Variants in FOSB observed in about 807,000 individuals in gnomAD.
FOSB encodes the protein FosB proto-oncogene, AP-1 transcription factor subunit.
A neutral mutation model predicts 31.1 loss-of-function variants in FOSB; 8 were observed. The observed-to-expected ratio is 0.26, with a 90% CI of 0.15 to 0.46. The LOEUF (loss-of-function observed/expected upper bound fraction) is 0.46. Among genes scored for constraint, FOSB ranks in the 20% least tolerant of loss-of-function variants. The pLI is 0.99. For synonymous variants in FOSB, 214 were observed against 206.1 expected, an observed-to-expected ratio of 1.04 and a Z score of -0.33; for missense variants, 376 against 460.6, an observed-to-expected ratio of 0.82 and a Z score of 1.68.
chr19:45,471,188 A>G lies in FOSB; in HGVS notation c.448-6A>G, dbSNP rs765484965. 2 of 1,556,478 alleles carry G rather than the reference A, an allele frequency of 1.3e-6. No individual in the cohort carries two copies. The highest frequency in any genetic ancestry group is 2.4e-5 in the South Asian group (2 of 84,438). On this transcript the variant is annotated splice_polypyrimidine_tract_variant and splice_region_variant and intron_variant, in intron 2 of 3. Coordinates refer to ENST00000353609, the MANE Select transcript of FOSB (RefSeq NM_006732.3). ...AAATCTCATGGCCTCTATCTCCCTG[A>G]CTCAGCTCACCCCAGAGGAAGAGGA...
chr19:45,471,453 A>G, intron 3 of FOSB, 152 bp downstream of exon 3: 1 of 596,494 alleles, frequency 1.7e-6, no homozygotes, highest in Non-Finnish European at 3.0e-6. Flanking sequence ...TGGGTAGCCC[A>G]GGGCACAAAC....
chr19:45,468,838 A>G lies in FOSB; in HGVS notation c.126+126A>G, dbSNP rs1568612107. ...CCTAGATCTGAGATGGAAAAGGCTC[A>G]CAGCGCACTTTGCAAACTGCAAAGA... On this transcript the variant is annotated intron_variant, in intron 1 of 3. Coordinates refer to ENST00000353609, the MANE Select transcript of FOSB (RefSeq NM_006732.3). The surrounding 1 kb of genome is among the most constrained non-coding windows in gnomAD (Gnocchi z 4.8). 13 of 1,091,208 alleles carry G rather than the reference A, an allele frequency of 1.2e-5. No homozygotes were observed. The East Asian group carries it at 3.4e-4, about 28-fold the overall frequency. 67.6% of individuals were successfully genotyped at this position (1,091,208 alleles called of 1,614,324 possible).
In FOSB at chr19:45,470,868, G is replaced by T; in HGVS notation, c.366G>T (p.Gly122=). 6.2e-7 allele frequency: 1 copy of T among 1,613,996 alleles called. No individual in the cohort carries two copies. Among genetic ancestry groups the T allele is most frequent in the Non-Finnish European group, 8.5e-7 (1 of 1,180,016 alleles). The change falls in exon 2 of 4, where the codon GGG becomes GGT. Residue 122 remains glycine (G), a synonymous_variant. Transcript: ENST00000353609. ...GTGGCGGAGCGAGTGGCAGTGGTGG[G>T]CCTTCCACCAGCGGAACTACCAGTG... ...YSSGGASGSG[G]PSTSGTTSGP...
In FOSB at chr19:45,468,941, A is replaced by G. The variant is rs1440156150; in HGVS notation, c.126+229A>G. 5.4e-5 allele frequency among the ~76,000 whole-genome samples: 8 copies of G among 147,088 alleles called. No individual in the cohort carries two copies. Among genetic ancestry groups the G allele is most frequent in the South Asian group, 2.2e-4 (1 of 4,562 alleles). ...GGCAGGGAGGGTAGGCTTTGGGGCG[A>G]GGTGGGGGTGGGGTGGGTAATGCGC... On this transcript the variant is annotated intron_variant, in intron 1 of 3. Transcript: ENST00000353609. This position sits in a 1 kb window ranked among gnomAD's most constrained non-coding sequence, Gnocchi z 4.8.
chr19:45,471,479 C>T, intron 3 of FOSB, 178 bp downstream of exon 3: 1 of 495,464 alleles, frequency 2.0e-6, no homozygotes, highest in Non-Finnish European at 3.6e-6. Flanking sequence ...CCCCCATGGA[C>T]TTAAGTCAAC....
chr19:45,472,865 C>T lies in FOSB; in HGVS notation c.870C>T (p.Gly290=), dbSNP rs1454658443. ...LFTHSEVQVL[G]DPFPVVNPSY... is the part of the protein sequence containing the mutation. ...CACACAGTGAAGTTCAAGTCCTCGG[C>T]GACCCCTTCCCCGTTGTTAACCCTT... Residue 290 remains glycine, a synonymous_variant, in exon 4 of 4, where the codon GGC becomes GGT. Transcript: ENST00000353609. This position sits in a 1 kb window ranked among gnomAD's most constrained non-coding sequence, Gnocchi z 5.4. The T allele has an allele frequency of 6.2e-7, 1 of 1,614,166 alleles. No individual in the cohort carries two copies. Among genetic ancestry groups the T allele is most frequent in the South Asian group, 1.1e-5 (1 of 91,080 alleles).
rs571301313 is a variant in FOSB, at chr19:45,473,067, G to A, written c.*55G>A. On this transcript the variant is annotated 3_prime_UTR_variant, in exon 4 of 4. Coordinates refer to ENST00000353609, the MANE Select transcript of FOSB (RefSeq NM_006732.3). The stretch of plus-strand genomic sequence containing the variant: ...CATGGGGGAGAGAGACTTGGAAGAG[G>A]AGGAGGAGGAGGAGAAGGAGGAGAG... The A allele has an allele frequency of 4.0e-6, 6 of 1,487,278 alleles. No homozygotes were observed. Among genetic ancestry groups the A allele is most frequent in the East Asian group, 4.5e-5 (2 of 44,078 alleles). The allele number at this position is 1,487,278 out of a possible 1,614,324, so 92.1% of individuals were successfully genotyped here.
chr19:45,472,934 G>C lies in FOSB; in HGVS notation c.939G>C (p.Ala313=), dbSNP rs1419989220. The change falls in exon 4 of 4, where the codon GCG becomes GCC. Residue 313 remains alanine, a synonymous_variant. Coordinates refer to ENST00000353609, the MANE Select transcript of FOSB (RefSeq NM_006732.3). This position sits in a 1 kb window ranked among gnomAD's most constrained non-coding sequence, Gnocchi z 5.4. ...SFVLTCPEVS[A]FAGAQRTSGS... ...TCCTCACCTGCCCGGAGGTCTCCGC[G>C]TTCGCCGGCGCCCAACGCACCAGCG... is the stretch of plus-strand genomic sequence containing the variant. 2 of 1,613,756 alleles carry C rather than the reference G, an allele frequency of 1.2e-6. No homozygotes were observed. The highest frequency in any genetic ancestry group is 1.7e-6 in the Non-Finnish European group (2 of 1,180,020).
chr19:45,468,768 G>T lies in FOSB; in HGVS notation c.126+56G>T. ...GTAGGTTTTATTTTTTAAGTCAAGGGTGAAAAGAATAAACCCCAACCCCCA... is the reference window on the plus strand; with the variant it reads ...GTAGGTTTTATTTTTTAAGTCAAGGTTGAAAAGAATAAACCCCAACCCCCA... On this transcript the variant is annotated intron_variant, in intron 1 of 3. Coordinates refer to ENST00000353609, the MANE Select transcript of FOSB (RefSeq NM_006732.3). This position sits in a 1 kb window ranked among gnomAD's most constrained non-coding sequence, Gnocchi z 4.8. 6.5e-7 allele frequency: 1 copy of T among 1,531,000 alleles called. No individual in the cohort carries two copies. Among genetic ancestry groups the T allele is most frequent in the Non-Finnish European group, 8.8e-7 (1 of 1,141,822 alleles). 94.8% of individuals were successfully genotyped at this position (1,531,000 alleles called of 1,614,324 possible). A position where few individuals can be genotyped will look rare whatever the true frequency, so the allele number is the denominator to read the frequency against.
At chr19:45,469,191 C>A (rs1026202877) in intron 1 of FOSB, among the ~76,000 whole-genome samples, 3 of 152,252 alleles carry the variant, frequency 2.0e-5, no homozygotes, top group Admixed American at 2.0e-4. Context: ...AACCCTCAGC[C>A]GCGCTGCCTC....
chr19:45,470,613 A>G lies in FOSB; in HGVS notation c.127-16A>G, dbSNP rs371768649. 1.3e-5 allele frequency: 21 copies of G among 1,587,634 alleles called. No homozygotes were observed. The African/African-American group carries it at 2.6e-4, about 19-fold the overall frequency. ...TTTGTGTGTCTACGCCTGTGTGTGTATGTGTCACCCCGTAGGAGTGCGCCG... is the reference window on the plus strand; with the variant it reads ...TTTGTGTGTCTACGCCTGTGTGTGTGTGTGTCACCCCGTAGGAGTGCGCCG... On this transcript the variant is annotated splice_polypyrimidine_tract_variant and intron_variant, in intron 1 of 3. Transcript: ENST00000353609.
intron 2 of FOSB, 36 bp downstream of exon 2, chr19:45,470,985 G>A (rs1411855506): frequency 1.9e-6 from 3 of 1,600,726 alleles, no homozygotes; most frequent in South Asian, 1.1e-5. Flanking sequence ...CCTGGGTAGG[G>A]GGAAGCAAGA....
intron 3 of FOSB, 44 bp downstream of exon 3, chr19:45,471,345 C>A: frequency 1.5e-6 from 2 of 1,342,472 alleles, no homozygotes; most frequent in Non-Finnish European, 2.1e-6. Context: ...TTGAGGGGAG[C>A]TCTCTCCCCA....
At position 45,470,583 on chromosome 19, in the gene FOSB, CTTTG is replaced by C. The variant is rs761208292; in HGVS notation, c.127-40_127-37del. The C allele has an allele frequency of 3.3e-5, 51 of 1,533,738 alleles. 1 individual carries two copies. The highest frequency in any genetic ancestry group is 2.2e-4 in the South Asian group (18 of 83,298). On this transcript the variant is annotated intron_variant, in intron 1 of 3. Coordinates refer to ENST00000353609, the MANE Select transcript of FOSB (RefSeq NM_006732.3). ...GTGTTGGGTGTGTGTGTGTCGGTGTCTTTGTTTGTGTGTCTACGCCTGTGTGTGT... is the reference window on the plus strand; with the variant it reads ...GTGTTGGGTGTGTGTGTGTCGGTGTCTTTGTGTGTCTACGCCTGTGTGTGT...
rs1359781375 is a variant in FOSB, at chr19:45,468,693, C to A, written c.107C>A (p.Pro36His). The change falls in exon 1 of 4, where the codon CCC becomes CAC. Residue 36 changes from proline (P) to histidine (H), a missense_variant. Physicochemically the swap from Pro to His is moderately conservative, Grantham distance 77. Coordinates refer to ENST00000353609, the MANE Select transcript of FOSB (RefSeq NM_006732.3). The surrounding 1 kb of genome is among the most constrained non-coding windows in gnomAD (Gnocchi z 4.8). ...LSSVDSFGSP[P>H]TAAASQECAG... ...TCGGTGGACTCCTTCGGCAGTCCACCCACCGCCGCCGCCTCCCAGGTAAGT... is the reference window on the plus strand; with the variant it reads ...TCGGTGGACTCCTTCGGCAGTCCACACACCGCCGCCGCCTCCCAGGTAAGT... 1.2e-6 allele frequency: 2 copies of A among 1,607,620 alleles called. No homozygotes were observed. The highest frequency in any genetic ancestry group is 1.7e-6 in the Non-Finnish European group (2 of 1,178,276).
chr19:45,473,596 C>G lies in FOSB; in HGVS notation c.*584C>G, dbSNP rs1205064258. On this transcript the variant is annotated 3_prime_UTR_variant, in exon 4 of 4. Transcript: ENST00000353609. ...ACTCTGGGCAGAAGTGAGCCCCCCC[C>G]TTAAAGGGAATTCGATGCCCCCCTA... 5 of 96,094 alleles carry G rather than the reference C, an allele frequency of 5.2e-5. No homozygotes were observed. Among genetic ancestry groups the G allele is most frequent in the Non-Finnish European group, 7.6e-5 (4 of 52,336 alleles). The allele number at this position is 96,094 out of a possible 1,614,324, so 6.0% of individuals were successfully genotyped here. A position where few individuals can be genotyped will look rare whatever the true frequency, so the allele number is the denominator to read the frequency against.
rs1967728518 is a variant in FOSB at position 45,472,841 on chromosome 19, A to G, written c.846A>G (p.Thr282=). The part of the protein sequence containing the change: ...APPNLTASLF[T]HSEVQVLGDP... ...CCAACCTGACGGCTTCTCTCTTTAC[A>G]CACAGTGAAGTTCAAGTCCTCGGCG... The change falls in exon 4 of 4, where the codon ACA becomes ACG. Residue 282 remains threonine (T), a synonymous_variant. Transcript: ENST00000353609. This position sits in a 1 kb window ranked among gnomAD's most constrained non-coding sequence, Gnocchi z 5.4. 1.9e-6 allele frequency: 3 copies of G among 1,613,940 alleles called. No homozygotes were observed. Among genetic ancestry groups the G allele is most frequent in the Non-Finnish European group, 2.5e-6 (3 of 1,179,980 alleles).
Position 45,473,014 on chromosome 19 carries a change from C to G in FOSB, c.*2C>G. ...TCGCCCTCCCTCCTCGCTCTGTGAA[C>G]TCTTTAGACACACAAAACAAACAAA... is the stretch of plus-strand genomic sequence containing the variant. On this transcript the variant is annotated 3_prime_UTR_variant, in exon 4 of 4. Transcript: ENST00000353609. 2 of 1,604,358 alleles carry G rather than the reference C, an allele frequency of 1.2e-6. No individual in the cohort carries two copies. Among genetic ancestry groups the G allele is most frequent in the African/African-American group, 2.7e-5 (2 of 74,952 alleles).
rs975420065 is a variant in FOSB at position 45,468,267 on chromosome 19, G to A, written c.-320G>A. 8.4e-6 allele frequency: 2 copies of A among 238,838 alleles called. No homozygotes were observed. The highest frequency in any genetic ancestry group is 1.6e-5 in the Non-Finnish European group (2 of 122,498). 14.8% of individuals were successfully genotyped at this position (238,838 alleles called of 1,614,324 possible). The stretch of plus-strand genomic sequence containing the variant: ...TAGCTGAAGCTGATTCTGTACAGCG[G>A]GACAGCGCTTTCTGCCCCTGGGGGA... On this transcript the variant is annotated 5_prime_UTR_variant, in exon 1 of 4. Coordinates refer to ENST00000353609, the MANE Select transcript of FOSB (RefSeq NM_006732.3). The surrounding 1 kb of genome is among the most constrained non-coding windows in gnomAD (Gnocchi z 4.8).
Sources: allele counts gnomAD v4.1 joint callset (sites outside exome capture counted in the v4.1 genomes callset), GRCh38; gene constraint gnomAD v4.1.1; non-coding constraint Gnocchi (gnomAD v3.1); transcripts MANE v1.5; gene names NCBI Gene and HGNC (gene_info 2026-07-23, HGNC 2026-07-21).